PIBF1: variants seen among roughly 807,000 people sequenced by gnomAD.
The protein encoded by PIBF1 is progesterone immunomodulatory binding factor 1, also known as progesterone-induced-blocking factor 1.
PIBF1 carries 90 observed loss-of-function variants against 112.5 expected under a neutral mutation model. The observed-to-expected ratio is 0.80, with a 90% CI of 0.67 to 0.95. PIBF1 has a LOEUF of 0.95. Ranked by LOEUF, PIBF1 falls within the 40% of genes least tolerant of loss-of-function variation. The pLI is 0.00. For missense variants in PIBF1, 915 were observed against 852.3 expected, an observed-to-expected ratio of 1.07 and a Z score of -0.92; for synonymous variants, 301 against 288.6, an observed-to-expected ratio of 1.04 and a Z score of -0.44.
chr13:72,893,972 CA>C, intron 11 of PIBF1, 23 bp downstream of exon 11: 1 of 1,275,676 alleles, frequency 7.8e-7, no homozygotes, highest in Non-Finnish European at 1.0e-6. Context: ...GCTTTTCTTT[CA>C]ACATTAGCAT....
At chr13:72,816,355 G>A (rs2036273173) in intron 5 of PIBF1, among the ~76,000 whole-genome samples, 2 of 152,096 alleles carry the variant, frequency 1.3e-5, no homozygotes, top group African/African-American at 4.8e-5. Context: ...CCTCATTCTT[G>A]AGTTTTGCTG....
chr13:72,916,272 A>G (rs1295787502), intron 12 of PIBF1, among the ~76,000 whole-genome samples: 1 of 151,984 alleles, frequency 6.6e-6, no homozygotes, highest in Non-Finnish European at 1.5e-5. Flanking sequence ...GGCACCTGCA[A>G]TCCCAGCTAC....
chr13:72,931,729 T>TATATATATATATAC (rs1386834345), intron 14 of PIBF1, among the ~76,000 whole-genome samples: 11 of 143,988 alleles, frequency 7.6e-5, no homozygotes, highest in Non-Finnish European at 1.5e-4. Flanking sequence ...TATATATATA[T>TATATATATATATAC]ATATATATAT....
chr13:72,960,630 C>T (rs1025100159), intron 14 of PIBF1, among the ~76,000 whole-genome samples: 1 of 152,168 alleles, frequency 6.6e-6, no homozygotes, highest in African/African-American at 2.4e-5. Flanking sequence ...TTCCCTGCCA[C>T]CCTTTCCCCA....
At chr13:72,834,220 A>G (rs369059793) in intron 8 of PIBF1, among the ~76,000 whole-genome samples, 21 of 152,322 alleles carry the variant, frequency 1.4e-4, no homozygotes, top group East Asian at 9.6e-4. Flanking sequence ...ATGCCCTTCA[A>G]TCAGACTCCC....
In PIBF1 at chr13:72,906,617, AT is replaced by A. The variant is rs1467129403; in HGVS notation, c.1489-1912del. Among the ~76,000 whole-genome samples the A allele has an allele frequency of 2.0e-5, 3 of 152,156 alleles. No homozygotes were observed. The South Asian group carries it at 6.2e-4, about 32-fold the overall frequency. ...TTCTCTAATATGGGGTACTAGAGGTATTGGGAGATAGCCCACATCAGTAGTT... is the reference window on the plus strand; with the variant it reads ...TTCTCTAATATGGGGTACTAGAGGTATGGGAGATAGCCCACATCAGTAGTT... On this transcript the variant is annotated intron_variant, in intron 11 of 17. Coordinates refer to ENST00000326291, the MANE Select transcript of PIBF1 (RefSeq NM_006346.4).
At chr13:72,954,287 C>T (rs1389613626) in intron 14 of PIBF1, among the ~76,000 whole-genome samples, 2 of 152,228 alleles carry the variant, frequency 1.3e-5, no homozygotes, top group African/African-American at 2.4e-5. Flanking sequence ...TTCCTGCCAG[C>T]GATAGAAACC....
intron 5 of PIBF1, among the ~76,000 whole-genome samples, chr13:72,811,144 G>A (rs2035991209): frequency 6.6e-6 from 1 of 152,342 alleles, no homozygotes; most frequent in Admixed American, 6.5e-5. Flanking sequence ...ATAGGCGTGA[G>A]CCACCGCACC....
rs1437580143 is a variant in PIBF1, at chr13:72,782,140, A to C, written c.-257A>C. Reference sequence around the variant, plus strand: ...CTCCTCGGAACATCCGGGAGAGTTGACTTCCGGCGGCTTGTGGGAGTGCTG... The same window carrying C: ...CTCCTCGGAACATCCGGGAGAGTTGCCTTCCGGCGGCTTGTGGGAGTGCTG... On this transcript the variant is annotated 5_prime_UTR_variant, in exon 1 of 18. Transcript: ENST00000326291. 5.7e-5 allele frequency: 18 copies of C among 314,240 alleles called. No individual in the cohort carries two copies. Among genetic ancestry groups the C allele is most frequent in the Non-Finnish European group, 9.4e-5 (16 of 170,348 alleles). The allele number at this position is 314,240 out of a possible 1,614,324, so 19.5% of individuals were successfully genotyped here. A position where few individuals can be genotyped will look rare whatever the true frequency, so the allele number is the denominator to read the frequency against.
At chr13:72,994,835 T>C (rs558281868) in intron 16 of PIBF1, among the ~76,000 whole-genome samples, 3 of 152,346 alleles carry the variant, frequency 2.0e-5, no homozygotes, top group East Asian at 3.9e-4. Flanking sequence ...AATTATTGCC[T>C]GTTATGTTGG....
intron 16 of PIBF1, among the ~76,000 whole-genome samples, chr13:72,984,633 G>C (rs936660391): frequency 6.6e-6 from 1 of 152,086 alleles, no homozygotes; most frequent in African/African-American, 2.4e-5. Flanking sequence ...GTTTTGAGTT[G>C]TGTAAAAGAC....
At chr13:72,931,786 A>G (rs1330867491) in intron 14 of PIBF1, among the ~76,000 whole-genome samples, 1 of 143,526 alleles carries the variant, frequency 7.0e-6, no homozygotes, top group Non-Finnish European at 1.5e-5. Context: ...TCTGATGTCA[A>G]GATCTAATTT....
chr13:72,841,892 G>A (rs570152102), intron 9 of PIBF1, among the ~76,000 whole-genome samples: 1 of 152,156 alleles, frequency 6.6e-6, no homozygotes, highest in Non-Finnish European at 1.5e-5. Context: ...TTGGTACCTT[G>A]TGCCTATGTA....
intron 14 of PIBF1, among the ~76,000 whole-genome samples, chr13:72,938,229 T>C (rs1208391194): frequency 6.6e-6 from 1 of 152,176 alleles, no homozygotes; most frequent in Non-Finnish European, 1.5e-5. Context: ...ATTTTAACCA[T>C]TTTAAAGTAT....
chr13:72,938,962 A>G (rs2041942653), intron 14 of PIBF1, among the ~76,000 whole-genome samples: 1 of 152,130 alleles, frequency 6.6e-6, no homozygotes, highest in Admixed American at 6.5e-5. Flanking sequence ...CCATTTATAT[A>G]TCTTCTTTAG....
intron 14 of PIBF1, among the ~76,000 whole-genome samples, chr13:72,949,129 G>A (rs190586591): frequency 1.1e-3 from 173 of 152,136 alleles, no homozygotes; most frequent in Non-Finnish European, 1.7e-3. Context: ...ACTGAATACT[G>A]TAATATATGA....
At chr13:72,971,189 T>C (rs1161816433) in intron 15 of PIBF1, among the ~76,000 whole-genome samples, 1 of 112,940 alleles carries the variant, frequency 8.9e-6, no homozygotes, top group African/African-American at 3.8e-5. Context: ...AGAGTGAGTG[T>C]GTGTGTGTGT....
At chr13:72,997,929 A>G (rs866213744) in intron 16 of PIBF1, among the ~76,000 whole-genome samples, 4 of 152,214 alleles carry the variant, frequency 2.6e-5, no homozygotes, top group Non-Finnish European at 5.9e-5. Flanking sequence ...AAAGACAAAT[A>G]CACTTGGGAG....
At chr13:73,014,036 C>T (rs959324370) in intron 17 of PIBF1, among the ~76,000 whole-genome samples, 2 of 151,624 alleles carry the variant, frequency 1.3e-5, no homozygotes, top group African/African-American at 4.9e-5. Flanking sequence ...AATCCCTTCC[C>T]TTCCCTTCCC....
Sources: allele counts gnomAD v4.1 joint callset (sites outside exome capture counted in the v4.1 genomes callset), GRCh38; gene constraint gnomAD v4.1.1; transcripts MANE v1.5; gene names NCBI Gene and HGNC (gene_info 2026-07-23, HGNC 2026-07-21).